THRB: variants seen among roughly 807,000 people sequenced by gnomAD.
THRB encodes thyroid hormone receptor beta.
A neutral mutation model predicts 47.8 loss-of-function variants in THRB; 12 were observed. The observed-to-expected ratio is 0.25, with a 90% CI of 0.16 to 0.41. The LOEUF (loss-of-function observed/expected upper bound fraction) is 0.41, where lower values mean the gene tolerates loss of function less well. Among genes scored for constraint, THRB ranks in the 10% least tolerant of loss-of-function variants. The pLI, the probability that THRB is intolerant of heterozygous loss-of-function variation, is 1.00. For missense variants in THRB, 348 were observed against 589.2 expected (o/e 0.59, Z 4.24); for synonymous variants, 218 against 212.2 (o/e 1.03, Z -0.24).
intron 4 of THRB, among the ~76,000 whole-genome samples, chr3:24,197,218 T>C (rs1030050295): frequency 2.6e-5 from 4 of 152,350 alleles, no homozygotes; most frequent in Middle Eastern, 6.8e-3. Flanking sequence ...ACTGGTCTGC[T>C]AGGAGGACTC....
intron 5 of THRB, among the ~76,000 whole-genome samples, chr3:24,179,390 T>C (rs948308053): frequency 6.6e-6 from 1 of 152,082 alleles, no homozygotes; most frequent in Admixed American, 6.6e-5. Flanking sequence ...TCTCATATGG[T>C]TTGCAAATGA....
At chr3:24,361,313 T>C (rs1044246736) in intron 1 of THRB, among the ~76,000 whole-genome samples, 11 of 152,158 alleles carry the variant, frequency 7.2e-5, no homozygotes, top group Non-Finnish European at 1.6e-4. Flanking sequence ...ACCATCATCA[T>C]TGCATAACCA....
intron 3 of THRB, among the ~76,000 whole-genome samples, chr3:24,278,054 G>C (rs1259788141): frequency 6.6e-6 from 1 of 152,110 alleles, no homozygotes; most frequent in African/African-American, 2.4e-5. Flanking sequence ...GAAGGGCTTG[G>C]GGATTTAAGG....
chr3:24,438,541 A>G (rs972662947), intron 1 of THRB, among the ~76,000 whole-genome samples: 3 of 96,010 alleles, frequency 3.1e-5, no homozygotes, highest in African/African-American at 5.9e-5. Flanking sequence ...GTGTGTGCAC[A>G]TGCATTCTTT....
chr3:24,417,815 A>T (rs2068888000), intron 1 of THRB, among the ~76,000 whole-genome samples: 1 of 151,858 alleles, frequency 6.6e-6, no homozygotes, highest in East Asian at 2.0e-4. Flanking sequence ...CACTTGTGCC[A>T]CTGGTTGAGT....
At position 24,481,229 on chromosome 3, in the gene THRB, G is replaced by GTTTTTTTTTTTTTTTTTTTTTTTTTTT. The variant is rs746323691; in HGVS notation, c.-261+13396_-261+13422dup. Among the ~76,000 whole-genome samples the GTTTTTTTTTTTTTTTTTTTTTTTTTTT allele has an allele frequency of 4.0e-4, 22 of 55,368 alleles. 1 individual carries two copies. The highest frequency in any genetic ancestry group is 1.1e-3 in the African/African-American group (14 of 13,076). The allele number at this position is 55,368 out of a possible 152,430, so 36.3% of individuals were successfully genotyped here. A position where few individuals can be genotyped will look rare whatever the true frequency, so the allele number is the denominator to read the frequency against. On this transcript the variant is annotated intron_variant, in intron 1 of 10. Transcript: ENST00000646209. ...TATATGTGTGGATGCGTTTCTTTCT[G>GTTTTTTTTTTTTTTTTTTTTTTTTTTT]TTTTTTTTTTTTTTTTTTTTTTTTT...
At chr3:24,450,179 C>A (rs973009415) in intron 1 of THRB, among the ~76,000 whole-genome samples, 1 of 152,120 alleles carries the variant, frequency 6.6e-6, no homozygotes, top group East Asian at 1.9e-4. Flanking sequence ...AAAACTTCCA[C>A]AGGTATAATG....
At chr3:24,334,066 A>G (rs1405543190) in intron 2 of THRB, among the ~76,000 whole-genome samples, 1 of 152,196 alleles carries the variant, frequency 6.6e-6, no homozygotes, top group Non-Finnish European at 1.5e-5. Context: ...CGCAATAATT[A>G]CCTTCCACTT....
At chr3:24,152,196 T>C (rs550444445) in intron 6 of THRB, among the ~76,000 whole-genome samples, 194 bp downstream of exon 6, 3 of 152,230 alleles carry the variant, frequency 2.0e-5, no homozygotes, top group Admixed American at 1.3e-4. Flanking sequence ...TAGTTATTTA[T>C]GATTTGGGAA....
chr3:24,457,684 AT>A (rs1442211041), intron 1 of THRB, among the ~76,000 whole-genome samples: 4 of 151,994 alleles, frequency 2.6e-5, no homozygotes, highest in African/African-American at 9.7e-5. Flanking sequence ...TCCTATTTTT[AT>A]TTTTTCTAAA....
At chr3:24,303,934 T>A (rs1199273056) in intron 2 of THRB, among the ~76,000 whole-genome samples, 1 of 152,210 alleles carries the variant, frequency 6.6e-6, no homozygotes, top group South Asian at 2.1e-4. Context: ...ATTCCAGGAA[T>A]AAATTTTTCT....
At position 24,320,568 on chromosome 3, in the gene THRB, G is replaced by T. The variant is rs1034961224; in HGVS notation, c.-189+16732C>A. The stretch of plus-strand genomic sequence containing the variant: ...AACCAGCACTGATGTTTTGGCAGAA[G>T]ATTTAATTGGCATCCTGATGGCCTA... On this transcript the variant is annotated intron_variant, in intron 2 of 10. Transcript: ENST00000646209. Among the ~76,000 whole-genome samples the T allele has an allele frequency of 2.0e-5, 3 of 152,256 alleles. No homozygotes were observed. The South Asian group carries it at 6.2e-4, about 32-fold the overall frequency.
At chr3:24,358,024 A>G (rs1270659043) in intron 1 of THRB, among the ~76,000 whole-genome samples, 1 of 152,180 alleles carries the variant, frequency 6.6e-6, no homozygotes, top group Non-Finnish European at 1.5e-5. Flanking sequence ...CCATGGAATT[A>G]GGAACTTCGT....
At chr3:24,169,045 T>TA (rs1438670598) in intron 5 of THRB, among the ~76,000 whole-genome samples, 6 of 152,228 alleles carry the variant, frequency 3.9e-5, no homozygotes, top group Admixed American at 3.3e-4. Flanking sequence ...AAAATACACA[T>TA]AAAGAAAGAT....
chr3:24,198,811 G>A (rs1271280877), intron 4 of THRB, among the ~76,000 whole-genome samples: 1 of 152,074 alleles, frequency 6.6e-6, no homozygotes, highest in African/African-American at 2.4e-5. Flanking sequence ...AACAATTTAA[G>A]CCTGCAAAAT....
chr3:24,178,511 T>C (rs1430872183), intron 5 of THRB, among the ~76,000 whole-genome samples: 1 of 152,072 alleles, frequency 6.6e-6, no homozygotes, highest in East Asian at 1.9e-4. Context: ...TGAGGAAACA[T>C]CCATCAAACT....
chr3:24,273,875 G>C (rs919538640), intron 3 of THRB, among the ~76,000 whole-genome samples: 1 of 150,480 alleles, frequency 6.6e-6, no homozygotes, highest in Middle Eastern at 3.4e-3. Context: ...GGGCCTGTAT[G>C]TATGTATCTT....
At chr3:24,139,211 T>C (rs940668383) in intron 8 of THRB, among the ~76,000 whole-genome samples, 1 of 152,240 alleles carries the variant, frequency 6.6e-6, no homozygotes, top group Non-Finnish European at 1.5e-5. Flanking sequence ...ATTTAAATGC[T>C]TTTGGGAGAA....
At chr3:24,224,492 G>GT (rs1312466592) in intron 4 of THRB, among the ~76,000 whole-genome samples, 1 of 151,984 alleles carries the variant, frequency 6.6e-6, no homozygotes, top group African/African-American at 2.4e-5. Flanking sequence ...TTCTACGTAG[G>GT]TTGTAGGACA....
Sources: gnomAD v4.1 joint callset for allele counts (sites outside exome capture counted in the v4.1 genomes callset) on GRCh38, gnomAD v4.1.1 for gene constraint, MANE v1.5 for transcripts, NCBI Gene and HGNC (gene_info 2026-07-23, HGNC 2026-07-21) for gene names.